Variants in PSMD1 observed in about 807,000 individuals in gnomAD.
The protein encoded by PSMD1 is 26S proteasome non-ATPase regulatory subunit 1.
PSMD1 carries 18 observed loss-of-function variants against 119.0 expected under a neutral mutation model. That is an observed-to-expected ratio of 0.15 (90% CI 0.10 to 0.22). The LOEUF is 0.22. Among genes scored for constraint, PSMD1 ranks in the 10% least tolerant of loss-of-function variants. The pLI is 1.00. For missense variants in PSMD1, 702 were observed against 1,158.5 expected (o/e 0.61, Z 5.72); for synonymous variants, 374 against 396.6 (o/e 0.94, Z 0.68).
intron 10 of PSMD1, 97 bp downstream of exon 10, chr2:231,078,844 G>A (rs1694237397): frequency 1.2e-6 from 1 of 846,826 alleles, no homozygotes; most frequent in African/African-American, 1.9e-5. Context: ...GCCCAGGCCG[G>A]AGGGCAGTGA....
At chr2:231,123,013 C>T (rs1356168700) in intron 16 of PSMD1, among the ~76,000 whole-genome samples, 6 of 152,036 alleles carry the variant, frequency 3.9e-5, no homozygotes, top group Non-Finnish European at 7.4e-5. Flanking sequence ...AAGACCTTAT[C>T]GTTAACCCAG....
At chr2:231,092,509 C>T (rs1305625587) in intron 16 of PSMD1, among the ~76,000 whole-genome samples, 1 of 152,080 alleles carries the variant, frequency 6.6e-6, no homozygotes, top group Non-Finnish European at 1.5e-5. Flanking sequence ...CTAAGATGTC[C>T]CAGGCACCAT....
At chr2:231,152,558 A>T (rs1696397223) in intron 18 of PSMD1, among the ~76,000 whole-genome samples, 1 of 152,246 alleles carries the variant, frequency 6.6e-6, no homozygotes, top group Non-Finnish European at 1.5e-5. Context: ...ACAGCTTATA[A>T]GCCAGGGTTG....
chr2:231,095,735 C>T (rs1032478452), intron 16 of PSMD1, among the ~76,000 whole-genome samples: 1 of 152,200 alleles, frequency 6.6e-6, no homozygotes, highest in African/African-American at 2.4e-5. Context: ...TCAATAACGG[C>T]TAAAGGCCAA....
chr2:231,057,176 C>T, intron 1 of PSMD1, 135 bp downstream of exon 1: 1 of 1,139,386 alleles, frequency 8.8e-7, no homozygotes, highest in South Asian at 1.7e-5. Flanking sequence ...CAGGGCCCAC[C>T]CCCGGGCCGG....
At chr2:231,108,343 A>T in intron 16 of PSMD1, 1 of 571,084 alleles carries the variant, frequency 1.8e-6, no homozygotes, top group South Asian at 2.4e-5. Context: ...TATTTTCCTC[A>T]TGGAATAATC....
At chr2:231,087,031 A>G (rs1574718464) in intron 15 of PSMD1, 86 bp from the exon 16 acceptor site, 1 of 1,052,072 alleles carries the variant, frequency 9.5e-7, no homozygotes, top group East Asian at 2.4e-5. Context: ...GTATACACTC[A>G]CTGTTGAATG....
At chr2:231,095,100 G>T (rs1450216311) in intron 16 of PSMD1, among the ~76,000 whole-genome samples, 2 of 152,134 alleles carry the variant, frequency 1.3e-5, no homozygotes, top group East Asian at 1.9e-4. Flanking sequence ...AATAATTTGG[G>T]TCTATGCGAT....
intron 16 of PSMD1, among the ~76,000 whole-genome samples, chr2:231,126,029 TGTG>T (rs1411932424): frequency 1.3e-5 from 2 of 152,210 alleles, no homozygotes; most frequent in African/African-American, 4.8e-5. Context: ...AAAAAATACT[TGTG>T]AAGAATTCTA....
chr2:231,138,577 A>G (rs924443681), intron 16 of PSMD1, among the ~76,000 whole-genome samples, 159 bp from the exon 17 acceptor site: 2 of 152,264 alleles, frequency 1.3e-5, no homozygotes, highest in South Asian at 2.1e-4. Flanking sequence ...TCTTCTATCA[A>G]TAATTAGAAC....
intron 16 of PSMD1, among the ~76,000 whole-genome samples, chr2:231,102,491 CAT>C (rs1339165801): frequency 3.9e-5 from 6 of 152,152 alleles, no homozygotes; most frequent in African/African-American, 1.4e-4. Flanking sequence ...AGTCAATTAA[CAT>C]ATAATTTTTA....
chr2:231,110,713 G>A (rs1386077400), intron 16 of PSMD1, among the ~76,000 whole-genome samples: 2 of 152,182 alleles, frequency 1.3e-5, no homozygotes, highest in Non-Finnish European at 2.9e-5. Context: ...TCTACACCAG[G>A]GGTCATTATA....
chr2:231,165,933 AT>A lies in PSMD1; in HGVS notation c.2633del (p.Leu878TrpfsTer15). On this transcript the variant is annotated frameshift_variant, in exon 23 of 25. Coordinates refer to ENST00000308696, the MANE Select transcript of PSMD1 (RefSeq NM_002807.4). LOFTEE classifies it high-confidence loss of function. Reference protein sequence around the residue: ...KKEPEPNFQLLDNPARVMPAQ... With the variant: ...KKEPEPNFQLXDNPARVMPAQ... ...AAGAACCTGAGCCAAACTTCCAGTT[AT>A]TGGATAACCCAGCCCGAGTTATGCC... 1 of 1,613,924 alleles carries A rather than the reference AT, an allele frequency of 6.2e-7. No homozygotes were observed. Among genetic ancestry groups the A allele is most frequent in the Non-Finnish European group, 8.5e-7 (1 of 1,179,812 alleles).
chr2:231,108,868 A>G, intron 16 of PSMD1: 1 of 1,614,206 alleles, frequency 6.2e-7, no homozygotes, highest in Non-Finnish European at 8.5e-7. Flanking sequence ...CTATCCACAC[A>G]AATATCTCCA....
intron 16 of PSMD1, chr2:231,108,708 T>G: frequency 6.2e-7 from 1 of 1,614,170 alleles, no homozygotes; most frequent in Non-Finnish European, 8.5e-7. Flanking sequence ...GCCATTGGAT[T>G]CCGGAAGTAG....
intron 22 of PSMD1, 141 bp downstream of exon 22, chr2:231,165,427 A>G: frequency 1.8e-6 from 2 of 1,124,440 alleles, no homozygotes; most frequent in Non-Finnish European, 2.4e-6. Flanking sequence ...TAGAATCATC[A>G]AACTGTACTT....
chr2:231,104,942 G>A lies in PSMD1; in HGVS notation c.1883+17761G>A, dbSNP rs565039922. Among the ~76,000 whole-genome samples, 22 of 152,020 alleles carry A rather than the reference G, an allele frequency of 1.4e-4. No individual in the cohort carries two copies. In the East Asian group the frequency reaches 4.2e-3, roughly 29 times the overall value. On this transcript the variant is annotated intron_variant, in intron 16 of 24. Transcript: ENST00000308696. ...TAGATTTCCCTTTTAAAATGAATTTGTGGACATTTGGTCTTATACCATGTT... is the reference window on the plus strand; with the variant it reads ...TAGATTTCCCTTTTAAAATGAATTTATGGACATTTGGTCTTATACCATGTT...
At chr2:231,126,671 A>C (rs1355162052) in intron 16 of PSMD1, among the ~76,000 whole-genome samples, 1 of 152,064 alleles carries the variant, frequency 6.6e-6, no homozygotes, top group East Asian at 1.9e-4. Flanking sequence ...ATAAAAATGC[A>C]GTCATTGTTG....
rs780526433 is a variant in PSMD1, at chr2:231,163,769, T to A, written c.2481+42T>A. The A allele has an allele frequency of 3.0e-5, 42 of 1,384,102 alleles. No homozygotes were observed. The Middle Eastern group carries it at 9.0e-4, about 30-fold the overall frequency. The allele number at this position is 1,384,102 out of a possible 1,614,324, so 85.7% of individuals were successfully genotyped here. A position where few individuals can be genotyped will look rare whatever the true frequency, so the allele number is the denominator to read the frequency against. ...TTTTAGCAGCATTTGTACTTAAATA[T>A]AGGAGCCACTGAGTATTTTACTTTT... On this transcript the variant is annotated intron_variant, in intron 21 of 24. Coordinates refer to ENST00000308696, the MANE Select transcript of PSMD1 (RefSeq NM_002807.4).
Sources: allele counts gnomAD v4.1 joint callset (sites outside exome capture counted in the v4.1 genomes callset), GRCh38; gene constraint gnomAD v4.1.1; transcripts MANE v1.5; gene names NCBI Gene and HGNC (gene_info 2026-07-23, HGNC 2026-07-21).